RBKS: variants seen among roughly 807,000 people sequenced by gnomAD.
RBKS encodes the protein ribokinase.
Under a neutral mutation model 33.9 loss-of-function variants are expected in RBKS, and 33 were observed. That is an observed-to-expected ratio of 0.97 (90% CI 0.74 to 1.30). The LOEUF (loss-of-function observed/expected upper bound fraction) is 1.30. Ranked by LOEUF, RBKS falls within the 50% of genes most tolerant of loss-of-function variation. The pLI, the probability that RBKS is intolerant of heterozygous loss-of-function variation, is 0.00. For missense variants in RBKS, 361 were observed against 392.6 expected (o/e 0.92, Z 0.68); for synonymous variants, 125 against 143.0 (o/e 0.87, Z 0.90).
intron 5 of RBKS, among the ~76,000 whole-genome samples, chr2:27,839,666 T>C (rs774312714): frequency 1.9e-4 from 29 of 152,278 alleles, no homozygotes; most frequent in Middle Eastern, 3.4e-3. Context: ...GTAAAGATAA[T>C]GGAACTGTGA....
chr2:27,867,416 A>G (rs944946145), intron 1 of RBKS, among the ~76,000 whole-genome samples: 5 of 152,186 alleles, frequency 3.3e-5, no homozygotes, highest in African/African-American at 1.2e-4. Flanking sequence ...CCAAGGGAAA[A>G]AGTAAGCCAG....
At chr2:27,881,123 C>G (rs1664409350) in intron 1 of RBKS, among the ~76,000 whole-genome samples, 1 of 152,068 alleles carries the variant, frequency 6.6e-6, no homozygotes, top group Admixed American at 6.6e-5. Flanking sequence ...CTGGTGTGTG[C>G]CTGCGGTTCC....
chr2:27,791,343 A>G (rs529314432), intron 7 of RBKS, among the ~76,000 whole-genome samples: 2 of 152,276 alleles, frequency 1.3e-5, no homozygotes, highest in African/African-American at 2.4e-5. Context: ...TTGTAGACTG[A>G]GTAAAGAAGA....
chr2:27,790,382 A>T (rs569427458), intron 7 of RBKS, among the ~76,000 whole-genome samples: 9 of 152,350 alleles, frequency 5.9e-5, no homozygotes, highest in African/African-American at 1.9e-4. Context: ...GAAAAGCTGT[A>T]ACCTTGTGCT....
intron 7 of RBKS, among the ~76,000 whole-genome samples, chr2:27,796,772 A>G (rs1039105679): frequency 1.3e-5 from 2 of 151,834 alleles, no homozygotes; most frequent in Admixed American, 6.6e-5. Context: ...CCCCTGAGGC[A>G]GCGCCTGGAG....
intron 1 of RBKS, among the ~76,000 whole-genome samples, chr2:27,863,352 G>C (rs1664026021): frequency 6.6e-6 from 1 of 152,224 alleles, no homozygotes; most frequent in Non-Finnish European, 1.5e-5. Context: ...CTTACTGATT[G>C]TATTACTTTT....
At chr2:27,851,318 T>C (rs1176271309) in intron 2 of RBKS, among the ~76,000 whole-genome samples, 1 of 152,194 alleles carries the variant, frequency 6.6e-6, no homozygotes, top group African/African-American at 2.4e-5. Context: ...TTCCCTACTC[T>C]GGCCCTTGTT....
intron 1 of RBKS, among the ~76,000 whole-genome samples, chr2:27,883,200 CT>C (rs906350551): frequency 0.084 from 11,796 of 140,296 alleles, 556 homozygotes; most frequent in African/African-American, 0.17. Context: ...CTGCAGTATT[CT>C]TTTTTTTTTT....
intron 1 of RBKS, among the ~76,000 whole-genome samples, chr2:27,876,289 T>C (rs1664314296): frequency 6.6e-6 from 1 of 152,172 alleles, no homozygotes; most frequent in African/African-American, 2.4e-5. Context: ...AAATGGAGTA[T>C]TTTTCAGCCT....
chr2:27,818,934 A>G (rs1678148156), intron 7 of RBKS, among the ~76,000 whole-genome samples: 1 of 152,200 alleles, frequency 6.6e-6, no homozygotes, highest in Admixed American at 6.5e-5. Context: ...GCTAAACCAT[A>G]TGCAAAAACC....
intron 7 of RBKS, chr2:27,782,760 G>T: frequency 1.6e-5 from 5 of 307,634 alleles, no homozygotes; most frequent in East Asian, 8.5e-5. Flanking sequence ...TGTACTCTTT[G>T]TTTCTTTAAT....
In RBKS at chr2:27,837,853, T is replaced by TG. The variant is rs1373329906; in HGVS notation, c.515-5077_515-5076insC. On this transcript the variant is annotated intron_variant, in intron 5 of 7. Coordinates refer to ENST00000302188, the MANE Select transcript of RBKS (RefSeq NM_022128.3). The surrounding 1 kb of genome is among the most constrained non-coding windows in gnomAD (Gnocchi z 4.0). ...CAGGGAGGGGCACAGGTTGAAAAGC[T>TG]ACCTATTGAGTACCGTGCTCCCTAC... Among the ~76,000 whole-genome samples, 14 of 152,172 alleles carry TG rather than the reference T, an allele frequency of 9.2e-5. No homozygotes were observed. The highest frequency in any genetic ancestry group is 3.3e-4 in the Admixed American group (5 of 15,270).
At chr2:27,840,022 T>A (rs1005679324) in intron 5 of RBKS, among the ~76,000 whole-genome samples, 2 of 125,252 alleles carry the variant, frequency 1.6e-5, no homozygotes, top group Non-Finnish European at 3.2e-5. Context: ...CTCTTCTTCT[T>A]TTTTTTTTTT....
At chr2:27,845,517 G>T (rs573578484) in intron 4 of RBKS, among the ~76,000 whole-genome samples, 1 of 145,830 alleles carries the variant, frequency 6.9e-6, no homozygotes, top group African/African-American at 2.6e-5. Context: ...AGAACTTGAG[G>T]ATAGTCCTAG....
chr2:27,848,960 G>C (rs1663679613), intron 2 of RBKS, among the ~76,000 whole-genome samples: 1 of 152,126 alleles, frequency 6.6e-6, no homozygotes, highest in African/African-American at 2.4e-5. Context: ...AAACTACCAG[G>C]GAAGACAAGT....
At chr2:27,875,302 CT>C (rs1409051639) in intron 1 of RBKS, among the ~76,000 whole-genome samples, 1 of 152,204 alleles carries the variant, frequency 6.6e-6, no homozygotes, top group Non-Finnish European at 1.5e-5. Flanking sequence ...AATCACTGCA[CT>C]TTGGGAGGCC....
In RBKS at chr2:27,812,600, C is replaced by T. The variant is rs536382513; in HGVS notation, c.795+14967G>A. 6.2e-3 allele frequency among the ~76,000 whole-genome samples: 940 copies of T among 152,228 alleles called. 6 individuals carry two copies. The highest frequency in any genetic ancestry group is 7.5e-3 in the Non-Finnish European group (508 of 68,022). ...GAAACCATCATTCTCAGCAAACTAT[C>T]GCAAGGACAAAAAACCAAACACCGC... On this transcript the variant is annotated intron_variant, in intron 7 of 7. Coordinates refer to ENST00000302188, the MANE Select transcript of RBKS (RefSeq NM_022128.3).
At chr2:27,846,036 C>T (rs1663614244) in intron 4 of RBKS, among the ~76,000 whole-genome samples, 1 of 152,008 alleles carries the variant, frequency 6.6e-6, no homozygotes, top group African/African-American at 2.4e-5. Flanking sequence ...CCAATCTTGG[C>T]TCACTGCAAC....
chr2:27,797,711 C>T (rs544427842), intron 7 of RBKS, among the ~76,000 whole-genome samples: 10 of 152,176 alleles, frequency 6.6e-5, no homozygotes, highest in East Asian at 3.9e-4. Flanking sequence ...CATGAACTAG[C>T]GTTGTCCTGG....
Sources: allele counts gnomAD v4.1 joint callset (sites outside exome capture counted in the v4.1 genomes callset), GRCh38; gene constraint gnomAD v4.1.1; non-coding constraint Gnocchi (gnomAD v3.1); transcripts MANE v1.5; gene names NCBI Gene and HGNC (gene_info 2026-07-23, HGNC 2026-07-21).